Variants in DYNC2H1 observed in about 807,000 individuals in gnomAD.
DYNC2H1 encodes dynein cytoplasmic 2 heavy chain 1, also known as cytoplasmic dynein 2 heavy chain 1.
In DYNC2H1, 410 loss-of-function variants were observed where a neutral mutation model predicts 570.0. That is an observed-to-expected ratio of 0.72 (90% confidence interval 0.66 to 0.78). The LOEUF (loss-of-function observed/expected upper bound fraction) is 0.78. DYNC2H1 is among the 30% of genes least tolerant of loss of function. The pLI is 0.00. For synonymous variants in DYNC2H1, 1,688 were observed against 1,677.6 expected (o/e 1.01, Z -0.15); for missense variants, 4,865 against 5,046.4 (o/e 0.96, Z 1.09).
At chr11:103,146,103 C>A (rs1255735561) in intron 18 of DYNC2H1, among the ~76,000 whole-genome samples, 1 of 152,068 alleles carries the variant, frequency 6.6e-6, no homozygotes, top group African/African-American at 2.4e-5. Flanking sequence ...TTATATATAG[C>A]TTTTGGTTGT....
rs886047573 is a variant in DYNC2H1 at position 103,245,353 on chromosome 11, A to C, written c.10021A>C (p.Arg3341=). The change falls in exon 65 of 89, where the codon AGA becomes CGA. Residue 3341 remains arginine, a synonymous_variant. Coordinates refer to ENST00000375735, the MANE Select transcript of DYNC2H1 (RefSeq NM_001377.3). The surrounding 1 kb of genome is among the most constrained non-coding windows in gnomAD (Gnocchi z 4.5). ...GVEPVLYPLL[R]RDLVAQGPRY... is the part of the protein sequence containing the mutation. ...AGAACCTGTTCTTTATCCATTATTG[A>C]GACGAGATCTGGTTGCTCAAGGTAA... 5 of 1,586,778 alleles carry C rather than the reference A, an allele frequency of 3.2e-6. No individual in the cohort carries two copies. Among genetic ancestry groups the C allele is most frequent in the Non-Finnish European group, 4.3e-6 (5 of 1,165,804 alleles).
chr11:103,120,516 T>G lies in DYNC2H1; in HGVS notation c.1069T>G (p.Cys357Gly). Residue 357 changes from cysteine (C) to glycine (G), a missense_variant, in exon 7 of 89, where the codon TGC becomes GGC. Physicochemically the swap from Cys to Gly is radical, Grantham distance 159. Around this residue, in one of 5 missense-constraint regions of DYNC2H1, gnomAD observed 1,936 missense variants for 1,962.1 expected, o/e 0.99. Transcript: ENST00000375735. ...FLPASEEKII[C>G]LTRVFEPFTG... ...ACCTGCCAGTGAAGAGAAAATCATA[T>G]GCCTCACTCGAGTATTTGAACCTTT... The G allele has an allele frequency of 6.2e-7, 1 of 1,613,224 alleles. No homozygotes were observed. The highest frequency in any genetic ancestry group is 8.5e-7 in the Non-Finnish European group (1 of 1,179,450).
Position 103,152,301 on chromosome 11 carries a change from T to C in DYNC2H1, c.3096+16T>C, listed in dbSNP as rs1860597814. ...TAAAGACCAGGTTAGAATCTTTTAATTATTTATTAAAATGGGAACTTTTTT... is the reference window on the plus strand; with the variant it reads ...TAAAGACCAGGTTAGAATCTTTTAACTATTTATTAAAATGGGAACTTTTTT... On this transcript the variant is annotated intron_variant, in intron 21 of 88. Transcript: ENST00000375735. The C allele has an allele frequency of 3.8e-6, 6 of 1,564,042 alleles. No homozygotes were observed. In the East Asian group the frequency reaches 1.4e-4, roughly 36 times the overall value.
chr11:103,225,764 A>G (rs577880928), intron 59 of DYNC2H1, among the ~76,000 whole-genome samples: 1 of 151,742 alleles, frequency 6.6e-6, no homozygotes, highest in East Asian at 1.9e-4. Context: ...GAATTTTAGG[A>G]TTGTTTTTTC....
intron 70 of DYNC2H1, among the ~76,000 whole-genome samples, chr11:103,273,788 T>C (rs1162575562): frequency 6.6e-6 from 1 of 152,174 alleles, no homozygotes; most frequent in Non-Finnish European, 1.5e-5. Context: ...CTTGTATCAA[T>C]GTCTATGGAG....
chr11:103,150,418 A>G (rs1406115990), intron 20 of DYNC2H1, among the ~76,000 whole-genome samples: 6 of 152,012 alleles, frequency 3.9e-5, no homozygotes, highest in Non-Finnish European at 8.8e-5. Context: ...CTGATTGATG[A>G]TGTATAGGGG....
At position 103,397,324 on chromosome 11, in the gene DYNC2H1, C is replaced by A. The variant is rs570216962; in HGVS notation, c.12157-2339C>A. On this transcript the variant is annotated intron_variant, in intron 83 of 88. Coordinates refer to ENST00000375735, the MANE Select transcript of DYNC2H1 (RefSeq NM_001377.3). Reference sequence around the variant, plus strand: ...GTATTTACTCAATAAAAAAAAAACCCTAGTAATCAATTGAGTAAACATATG... The same window carrying A: ...GTATTTACTCAATAAAAAAAAAACCATAGTAATCAATTGAGTAAACATATG... 6.2e-4 allele frequency among the ~76,000 whole-genome samples: 95 copies of A among 152,036 alleles called. 1 individual carries two copies. In the East Asian group the frequency reaches 0.012, roughly 20 times the overall value.
chr11:103,314,099 A>G (rs1384991941), intron 79 of DYNC2H1, among the ~76,000 whole-genome samples: 1 of 152,162 alleles, frequency 6.6e-6, no homozygotes, highest in Non-Finnish European at 1.5e-5. Flanking sequence ...GGCACATGGT[A>G]TAAATAAAAA....
In DYNC2H1 at chr11:103,354,253, T is replaced by C. The variant is rs567231349; in HGVS notation, c.12040-3990T>C. Among the ~76,000 whole-genome samples, 212 of 151,954 alleles carry C rather than the reference T, an allele frequency of 1.4e-3. 2 individuals are homozygous for C. Among genetic ancestry groups the C allele is most frequent in the Non-Finnish European group, 2.7e-3 (186 of 67,980 alleles). On this transcript the variant is annotated intron_variant, in intron 82 of 88. Coordinates refer to ENST00000375735, the MANE Select transcript of DYNC2H1 (RefSeq NM_001377.3). ...CTGCTGTTTTTTGTGACCAAGGGCC[T>C]TCTACTCTACCCTTGTTTGCATTCT... is the stretch of plus-strand genomic sequence containing the variant.
intron 82 of DYNC2H1, among the ~76,000 whole-genome samples, chr11:103,337,306 GGCT>G (rs1939192761): frequency 6.6e-6 from 1 of 152,148 alleles, no homozygotes; most frequent in South Asian, 2.1e-4. Context: ...CAGCTCTGAA[GGCT>G]GTGAGACCCC....
intron 25 of DYNC2H1, among the ~76,000 whole-genome samples, chr11:103,156,076 A>G (rs1860803196): frequency 6.6e-6 from 1 of 152,124 alleles, no homozygotes; most frequent in South Asian, 2.1e-4. Context: ...CTTTAAATAA[A>G]CCAAACTAGT....
intron 70 of DYNC2H1, among the ~76,000 whole-genome samples, chr11:103,272,682 T>C (rs1476700891): frequency 6.6e-6 from 1 of 152,224 alleles, no homozygotes; most frequent in Non-Finnish European, 1.5e-5. Context: ...CCTGGAAATG[T>C]GGACTTGATC....
chr11:103,253,450 T>C lies in DYNC2H1; in HGVS notation c.10206+2T>C, dbSNP rs1316476627. On this transcript the variant is annotated splice_donor_variant, in intron 66 of 88. Transcript: ENST00000375735. LOFTEE classifies it high-confidence loss of function. ...ACAAGAAGTGGATTACGAGGGCAGG[T>C]ATACATAGATAATAATAATTTACCT... 1 of 1,597,772 alleles carries C rather than the reference T, an allele frequency of 6.3e-7. No individual in the cohort carries two copies. Among genetic ancestry groups the C allele is most frequent in the South Asian group, 1.1e-5 (1 of 87,856 alleles).
intron 36 of DYNC2H1, among the ~76,000 whole-genome samples, chr11:103,174,832 A>G (rs1861729927): frequency 7.3e-6 from 1 of 137,318 alleles, no homozygotes; most frequent in Non-Finnish European, 1.5e-5. Context: ...ATGTGAAGTT[A>G]TTTTCTACCC....
chr11:103,115,791 A>G (rs1433608503), intron 4 of DYNC2H1, among the ~76,000 whole-genome samples: 1 of 152,176 alleles, frequency 6.6e-6, no homozygotes, highest in Non-Finnish European at 1.5e-5. Context: ...ATCTCTAGAA[A>G]AAAACAAAAA....
Position 103,275,020 on chromosome 11 carries a change from G to A in DYNC2H1, c.10696-5328G>A, listed in dbSNP as rs1865855119. 6.6e-6 allele frequency among the ~76,000 whole-genome samples: 1 copy of A among 152,098 alleles called. No individual in the cohort carries two copies. ...GAGGCGGGAGAATCACTTGAACCTG[G>A]GAGGTGGAGGTTGCAGTGATCTGAG... On this transcript the variant is annotated intron_variant, in intron 70 of 88. Transcript: ENST00000375735. The surrounding 1 kb of genome is among the most constrained non-coding windows in gnomAD (Gnocchi z 4.8).
chr11:103,307,922 A>G (rs1467447216), intron 78 of DYNC2H1, 91 bp downstream of exon 78: 4 of 560,392 alleles, frequency 7.1e-6, no homozygotes, highest in Non-Finnish European at 1.2e-5. Flanking sequence ...ATTATACAGA[A>G]CACACAACTT....
At chr11:103,341,947 C>A (rs1268799031) in intron 82 of DYNC2H1, among the ~76,000 whole-genome samples, 1 of 152,090 alleles carries the variant, frequency 6.6e-6, no homozygotes, top group Non-Finnish European at 1.5e-5. Context: ...TTTATTTCAA[C>A]CTGGGCAACA....
rs774660707 is a variant in DYNC2H1 at position 103,135,891 on chromosome 11, T to A, written c.2517T>A (p.Ile839=). 2 of 1,613,072 alleles carry A rather than the reference T, an allele frequency of 1.2e-6. No individual in the cohort carries two copies. Among genetic ancestry groups the A allele is most frequent in the South Asian group, 1.1e-5 (1 of 90,894 alleles). ...IDRNASGFLT[I]FSKAEDLFRR... ...GAAATGCAAGTGGATTTTTGACGAT[T>A]TTCAGCAAAGCAGAAGATCTGTTTA... The change falls in exon 17 of 89, where the codon ATT becomes ATA. Residue 839 remains isoleucine (I), a synonymous_variant. Transcript: ENST00000375735.
Sources: allele counts gnomAD v4.1 joint callset (sites outside exome capture counted in the v4.1 genomes callset), GRCh38; gene constraint gnomAD v4.1.1; regional missense constraint gnomAD v4.1.1; non-coding constraint Gnocchi (gnomAD v3.1); transcripts MANE v1.5; gene names NCBI Gene and HGNC (gene_info 2026-07-23, HGNC 2026-07-21).